DCTN6: variants seen among roughly 807,000 people sequenced by gnomAD.
The protein encoded by DCTN6 is dynactin subunit 6, also known as dynactin 6.
DCTN6 carries 15 observed loss-of-function variants against 25.8 expected under a neutral mutation model. The observed-to-expected ratio is 0.58, with a 90% CI of 0.39 to 0.89. The LOEUF is 0.89. Among genes scored for constraint, DCTN6 ranks in the 40% least tolerant of loss-of-function variants. The pLI is 0.00. For missense variants in DCTN6, 198 were observed against 237.6 expected, an observed-to-expected ratio of 0.83 and a Z score of 1.09; for synonymous variants, 64 against 78.3, an observed-to-expected ratio of 0.82 and a Z score of 0.96.
intron 1 of DCTN6, among the ~76,000 whole-genome samples, chr8:30,159,929 T>C (rs1330532764): frequency 6.6e-6 from 1 of 151,996 alleles, no homozygotes; most frequent in Non-Finnish European, 1.5e-5. Flanking sequence ...ACCCAGCTAA[T>C]TTTTGTATTT....
intron 1 of DCTN6, among the ~76,000 whole-genome samples, chr8:30,162,276 G>A (rs368397184): frequency 2.6e-4 from 40 of 151,640 alleles, no homozygotes; most frequent in African/African-American, 9.4e-4. Context: ...TAGTAGAGAC[G>A]GGGTTTTGCC....
intron 2 of DCTN6, among the ~76,000 whole-genome samples, chr8:30,166,085 C>T (rs1585500501): frequency 6.6e-6 from 1 of 152,078 alleles, no homozygotes; most frequent in African/African-American, 2.4e-5. Flanking sequence ...TCTTTTTACT[C>T]ATCATTTTAC....
At chr8:30,167,021 G>A (rs1803686813) in intron 2 of DCTN6, among the ~76,000 whole-genome samples, 1 of 149,588 alleles carries the variant, frequency 6.7e-6, no homozygotes, top group South Asian at 2.2e-4. Flanking sequence ...GAGACAGAAA[G>A]AAGGAGAGGA....
At chr8:30,181,515 G>C (rs1163490644) in intron 6 of DCTN6, among the ~76,000 whole-genome samples, 1 of 152,134 alleles carries the variant, frequency 6.6e-6, no homozygotes, top group African/African-American at 2.4e-5. Context: ...GGACATTTGG[G>C]CTTCCTTTGG....
chr8:30,171,952 G>A (rs1011873730), intron 2 of DCTN6, among the ~76,000 whole-genome samples: 5 of 152,114 alleles, frequency 3.3e-5, no homozygotes, highest in African/African-American at 7.2e-5. Context: ...GATAGAGTCC[G>A]GTGTCTAGAC....
chr8:30,163,127 G>A (rs142084750), intron 1 of DCTN6, among the ~76,000 whole-genome samples: 1,616 of 152,030 alleles, frequency 0.011, 35 homozygotes, highest in East Asian at 0.056. Flanking sequence ...AAAAAACCCC[G>A]TCTCTACTAA....
Position 30,175,527 on chromosome 8 carries a change from GT to G in DCTN6, c.194+351del, listed in dbSNP as rs1041147996. 3.1e-3 allele frequency among the ~76,000 whole-genome samples: 428 copies of G among 139,104 alleles called. 2 individuals are homozygous for G. Among genetic ancestry groups the G allele is most frequent in the Middle Eastern group, 7.2e-3 (2 of 278 alleles). The allele number at this position is 139,104 out of a possible 152,430, so 91.3% of individuals were successfully genotyped here. A position where few individuals can be genotyped will look rare whatever the true frequency, so the allele number is the denominator to read the frequency against. On this transcript the variant is annotated intron_variant, in intron 3 of 6. Transcript: ENST00000221114. Reference sequence around the variant, plus strand: ...AGTGCTGTGCCCACCACCCTGCAGAGTTTTTTTTTTTTTTGATTTTTTGGTT... The same window carrying G: ...AGTGCTGTGCCCACCACCCTGCAGAGTTTTTTTTTTTTTGATTTTTTGGTT...
At chr8:30,172,627 A>G (rs982635895) in intron 2 of DCTN6, among the ~76,000 whole-genome samples, 16 of 151,516 alleles carry the variant, frequency 1.1e-4, no homozygotes, top group Non-Finnish European at 1.5e-4. Context: ...ATTTTTTTGT[A>G]TTTTTCGTAG....
chr8:30,171,072 A>G (rs180781214), intron 2 of DCTN6, among the ~76,000 whole-genome samples: 1 of 152,304 alleles, frequency 6.6e-6, no homozygotes, highest in Non-Finnish European at 1.5e-5. Context: ...AAAGGGAAAA[A>G]TGAAACTGTC....
At chr8:30,158,848 C>G (rs968161804) in intron 1 of DCTN6, among the ~76,000 whole-genome samples, 19 of 143,786 alleles carry the variant, frequency 1.3e-4, no homozygotes, top group African/African-American at 4.4e-4. Context: ...GTGGCACAAT[C>G]TCTGCTCACT....
intron 2 of DCTN6, among the ~76,000 whole-genome samples, chr8:30,172,918 G>C (rs933767525): frequency 8.6e-5 from 13 of 151,902 alleles, no homozygotes; most frequent in Non-Finnish European, 1.8e-4. Context: ...TTTTTTGTTT[G>C]TTTTAAAGAA....
intron 2 of DCTN6, among the ~76,000 whole-genome samples, chr8:30,172,367 T>C (rs1803774651): frequency 6.6e-6 from 1 of 152,208 alleles, no homozygotes; most frequent in Non-Finnish European, 1.5e-5. Flanking sequence ...GAAAGAAGTG[T>C]GTGCTTGAAA....
Position 30,166,319 on chromosome 8 carries a change from CT to C in DCTN6, c.88+2157del, listed in dbSNP as rs200865266. Among the ~76,000 whole-genome samples the C allele has an allele frequency of 6.5e-3, 780 of 120,016 alleles. 3 individuals carry two copies. The highest frequency in any genetic ancestry group is 0.019 in the African/African-American group (600 of 32,352). 78.7% of individuals were successfully genotyped at this position (120,016 alleles called of 152,430 possible). ...CCCCGTTTTGGTTTTTTTTTTCTTT[CT>C]TTTTTTTTTTTTGAGACAGGGTCTC... On this transcript the variant is annotated intron_variant, in intron 2 of 6. Transcript: ENST00000221114.
At chr8:30,156,519 G>T (rs1368709481) in intron 1 of DCTN6, 113 bp downstream of exon 1, 2 of 1,267,630 alleles carry the variant, frequency 1.6e-6, no homozygotes, top group South Asian at 1.3e-5. Flanking sequence ...CATTCGGGCC[G>T]AAGGTACCTG....
rs1176030211 is a variant in DCTN6 at position 30,183,212 on chromosome 8, C to T, written c.*39C>T. 1 of 1,552,560 alleles carries T rather than the reference C, an allele frequency of 6.4e-7. No homozygotes were observed. The highest frequency in any genetic ancestry group is 8.9e-7 in the Non-Finnish European group (1 of 1,126,830). On this transcript the variant is annotated 3_prime_UTR_variant, in exon 7 of 7. Transcript: ENST00000221114. Reference sequence around the variant, plus strand: ...CATGAAGATAACATTTTGTCTTTGACCACTGTCTTTTGAATGGGCCCACAG... The same window carrying T: ...CATGAAGATAACATTTTGTCTTTGATCACTGTCTTTTGAATGGGCCCACAG...
At chr8:30,162,731 CTT>C (rs1246473502) in intron 1 of DCTN6, among the ~76,000 whole-genome samples, 6 of 151,956 alleles carry the variant, frequency 3.9e-5, no homozygotes, top group Non-Finnish European at 8.8e-5. Flanking sequence ...TTATTAGAGT[CTT>C]TTGAAGAATT....
chr8:30,159,347 GTCT>G (rs1303379614), intron 1 of DCTN6, among the ~76,000 whole-genome samples: 3 of 151,884 alleles, frequency 2.0e-5, no homozygotes, highest in African/African-American at 7.3e-5. Flanking sequence ...ATTTGTGTAT[GTCT>G]TCTTTTTTTT....
At chr8:30,165,561 TTG>T (rs1803654304) in intron 2 of DCTN6, among the ~76,000 whole-genome samples, 1 of 151,768 alleles carries the variant, frequency 6.6e-6, no homozygotes, top group African/African-American at 2.4e-5. Context: ...TTATGGAACA[TTG>T]TTAAGAATTT....
In DCTN6 at chr8:30,158,593, T is replaced by C. The variant is rs115037358; in HGVS notation, c.23+2187T>C. Among the ~76,000 whole-genome samples the C allele has an allele frequency of 1.6e-3, 249 of 152,238 alleles. 1 individual carries two copies. The highest frequency in any genetic ancestry group is 5.6e-3 in the African/African-American group (232 of 41,548). On this transcript the variant is annotated intron_variant, in intron 1 of 6. Transcript: ENST00000221114. ...GTCTCTGAATTTCAGTTTTTTCTTCTATAATATGAGAGGGTTAGACCAGGT... is the reference window on the plus strand; with the variant it reads ...GTCTCTGAATTTCAGTTTTTTCTTCCATAATATGAGAGGGTTAGACCAGGT...
Sources: allele counts gnomAD v4.1 joint callset (sites outside exome capture counted in the v4.1 genomes callset), GRCh38; gene constraint gnomAD v4.1.1; transcripts MANE v1.5; gene names NCBI Gene and HGNC (gene_info 2026-07-23, HGNC 2026-07-21).